Variants in DRP2 observed in about 807,000 individuals in gnomAD.
The protein encoded by DRP2 is dystrophin-related protein 2.
A neutral mutation model predicts 78.2 loss-of-function variants in DRP2; 29 were observed. The ratio of observed to expected loss-of-function variants is 0.37; its 90% confidence interval spans 0.28 to 0.51. The LOEUF (loss-of-function observed/expected upper bound fraction) is 0.51, where lower values mean the gene tolerates loss of function less well. Among genes scored for constraint, DRP2 ranks in the 20% least tolerant of loss-of-function variants. DRP2 has a pLI of 0.94. For synonymous variants in DRP2, 290 were observed against 281.9 expected (o/e 1.03, Z -0.29); for missense variants, 686 against 770.6 (o/e 0.89, Z 1.30).
At chrX:101,255,151 G>A (rs1923292482) in intron 19 of DRP2, 33 bp from the exon 20 acceptor site, 2 of 1,201,547 alleles carry the variant, frequency 1.7e-6, no homozygotes, top group East Asian at 3.0e-5. Context: ...CCCACATCCT[G>A]TTTTCTCTCC....
At position 101,246,990 on chromosome X, in the gene DRP2, C is replaced by T. The variant is rs1922954016; in HGVS notation, c.1178-100C>T. 3 of 646,122 alleles carry T rather than the reference C, an allele frequency of 4.6e-6. No homozygotes were observed. The South Asian group carries it at 9.2e-5, about 20-fold the overall frequency. The allele number at this position is 646,122 out of a possible 1,213,427, so 53.2% of individuals were successfully genotyped here. ...CTTGTTGACACTTGCTATTGTCAGA[C>T]ATCTATTGGTTGCCAGTCTGGTGGG... is the stretch of plus-strand genomic sequence containing the variant. On this transcript the variant is annotated intron_variant, in intron 11 of 23. Coordinates refer to ENST00000395209, the MANE Select transcript of DRP2 (RefSeq NM_001939.3).
intron 12 of DRP2, among the ~76,000 whole-genome samples, chrX:101,247,714 C>G (rs1356834253): frequency 3.6e-5 from 4 of 111,884 alleles, no homozygotes; most frequent in Non-Finnish European, 7.5e-5. Context: ...TGTCTAGGTT[C>G]TCAGAACAAA....
rs766827483 is a variant in DRP2, at chrX:101,248,610, C to A, written c.1540+11C>A. On this transcript the variant is annotated intron_variant, in intron 14 of 23. Transcript: ENST00000395209. Reference sequence around the variant, plus strand: ...AGGAAAAACTTCAGTGTGAGTAGAACTCCAAAGTGTGGAGTGGTGTTGGGT... The same window carrying A: ...AGGAAAAACTTCAGTGTGAGTAGAAATCCAAAGTGTGGAGTGGTGTTGGGT... The A allele has an allele frequency of 8.3e-7, 1 of 1,199,977 alleles. No homozygotes were observed. The highest frequency in any genetic ancestry group is 3.0e-5 in the East Asian group (1 of 33,749).
intron 22 of DRP2, among the ~76,000 whole-genome samples, 193 bp from the exon 23 acceptor site, chrX:101,259,856 G>T (rs1439795283): frequency 8.9e-6 from 1 of 112,312 alleles, no homozygotes; most frequent in Non-Finnish European, 1.9e-5. Flanking sequence ...AAGGAAGAAG[G>T]TAATGGGTAA....
At chrX:101,235,090 C>A (rs1314038986) in intron 3 of DRP2, among the ~76,000 whole-genome samples, 1 of 110,941 alleles carries the variant, frequency 9.0e-6, no homozygotes, top group Non-Finnish European at 1.9e-5. Flanking sequence ...TCCGGGATAA[C>A]CACCATTCCC....
intron 2 of DRP2, among the ~76,000 whole-genome samples, chrX:101,228,122 T>C (rs1922182911): frequency 8.9e-6 from 1 of 112,225 alleles, no homozygotes; most frequent in Non-Finnish European, 1.9e-5. Flanking sequence ...ACATTGCTAG[T>C]AGTAGTGTAA....
intron 2 of DRP2, among the ~76,000 whole-genome samples, chrX:101,225,627 A>G (rs1052476255): frequency 1.8e-5 from 2 of 111,773 alleles, no homozygotes; most frequent in African/African-American, 3.3e-5. Context: ...TTATTTGATT[A>G]TGGAAAAGCT....
At chrX:101,224,427 C>CG (rs1922044110) in intron 1 of DRP2, among the ~76,000 whole-genome samples, 177 bp from the exon 2 acceptor site, 2 of 107,012 alleles carry the variant, frequency 1.9e-5, no homozygotes, top group Admixed American at 9.9e-5. Flanking sequence ...CCAAAAAACC[C>CG]GGATGTCCAG....
intron 9 of DRP2, among the ~76,000 whole-genome samples, chrX:101,243,423 C>T (rs1292334358): frequency 9.6e-6 from 1 of 103,951 alleles, no homozygotes; most frequent in African/African-American, 3.5e-5. Flanking sequence ...AAAACACAAT[C>T]TCTCAAATCG....
chrX:101,252,468 G>A (rs1445085824), intron 16 of DRP2, 137 bp from the exon 17 acceptor site: 5 of 462,734 alleles, frequency 1.1e-5, no homozygotes, highest in Non-Finnish European at 1.9e-5. Flanking sequence ...CTATGTATAC[G>A]AGGTTGGGCA....
intron 13 of DRP2, 106 bp downstream of exon 13, chrX:101,248,396 A>C: frequency 2.7e-6 from 3 of 1,100,123 alleles, no homozygotes; most frequent in Non-Finnish European, 3.8e-6. Context: ...GACCCAGCTC[A>C]GCTTGGGGCA....
intron 2 of DRP2, among the ~76,000 whole-genome samples, chrX:101,228,361 T>C (rs1053891472): frequency 7.1e-5 from 8 of 112,571 alleles, no homozygotes; most frequent in African/African-American, 1.6e-4. Flanking sequence ...CTAACACTTA[T>C]TGAGTTGTGT....
intron 1 of DRP2, 128 bp downstream of exon 1, chrX:101,220,274 AGTGTGTGTGTGC>A (rs1457338580): frequency 9.3e-5 from 8 of 86,226 alleles, no homozygotes; most frequent in African/African-American, 2.6e-4. Flanking sequence ...AGGGAAAATG[AGTGTGTGTGTGC>A]GTGTGTGTGT....
intron 1 of DRP2, among the ~76,000 whole-genome samples, chrX:101,221,215 T>A (rs1249996853): frequency 8.9e-6 from 1 of 112,844 alleles, no homozygotes; most frequent in Non-Finnish European, 1.9e-5. Flanking sequence ...TCTTTTTGAT[T>A]GTCAAAAGAA....
intron 2 of DRP2, among the ~76,000 whole-genome samples, chrX:101,231,039 A>G (rs1023790066): frequency 1.8e-5 from 2 of 111,999 alleles, no homozygotes; most frequent in African/African-American, 6.5e-5. Flanking sequence ...AACCATACCG[A>G]TCCCATTGTC....
intron 15 of DRP2, 76 bp from the exon 16 acceptor site, chrX:101,250,841 C>T: frequency 2.6e-6 from 3 of 1,142,766 alleles, no homozygotes; most frequent in Non-Finnish European, 2.4e-6. Context: ...GTTCTCCTGC[C>T]CCTCTGAGGG....
In DRP2 at chrX:101,243,786, G is replaced by C. The variant is rs143255090; in HGVS notation, c.1054+804G>C. Reference sequence around the variant, plus strand: ...GGGCTATGGACAAAAAGCAGGGAAGGCGTGGATAGGGAGTGCTGGACTTAA... The same window carrying C: ...GGGCTATGGACAAAAAGCAGGGAAGCCGTGGATAGGGAGTGCTGGACTTAA... On this transcript the variant is annotated intron_variant, in intron 9 of 23. Transcript: ENST00000395209. Among the ~76,000 whole-genome samples the C allele has an allele frequency of 4.8e-4, 54 of 111,603 alleles. No homozygotes were observed. The East Asian group carries it at 0.014, about 30-fold the overall frequency.
At chrX:101,235,299 G>A (rs763347410) in intron 3 of DRP2, among the ~76,000 whole-genome samples, 10 of 112,280 alleles carry the variant, frequency 8.9e-5, no homozygotes, top group African/African-American at 3.2e-4. Context: ...TGACTGTGGT[G>A]GACACATCAA....
intron 1 of DRP2, among the ~76,000 whole-genome samples, chrX:101,222,004 G>C (rs983897964): frequency 8.9e-6 from 1 of 112,119 alleles, no homozygotes; most frequent in Middle Eastern, 4.6e-3. Context: ...ATGTTCTATA[G>C]AGCCCCATCC....
Sources: gnomAD v4.1 joint callset for allele counts (sites outside exome capture counted in the v4.1 genomes callset) on GRCh38, gnomAD v4.1.1 for gene constraint, MANE v1.5 for transcripts, NCBI Gene and HGNC (gene_info 2026-07-23, HGNC 2026-07-21) for gene names.